Variants in TTC3 observed in about 807,000 individuals in gnomAD.
TTC3 encodes tetratricopeptide repeat domain 3, also known as E3 ubiquitin-protein ligase TTC3.
Under a neutral mutation model 249.6 loss-of-function variants are expected in TTC3, and 180 were observed. That is an observed-to-expected ratio of 0.72 (90% CI 0.64 to 0.82). The LOEUF (loss-of-function observed/expected upper bound fraction) is 0.82. Ranked by LOEUF, TTC3 falls within the 40% of genes least tolerant of loss-of-function variation. The pLI is 0.00. For synonymous variants in TTC3, 717 were observed against 805.0 expected (o/e 0.89, Z 1.85); for missense variants, 2,061 against 2,398.4 (o/e 0.86, Z 2.94).
At chr21:37,077,162 A>G (rs1224686568) in intron 1 of TTC3, among the ~76,000 whole-genome samples, 1 of 152,084 alleles carries the variant, frequency 6.6e-6, no homozygotes, top group Non-Finnish European at 1.5e-5. Flanking sequence ...ATAATTATAC[A>G]TTTAAAAGAA....
exon 46 of TTC3, chr21:37,201,504 C>G (rs774950743): frequency 6.2e-7 from 1 of 1,614,034 alleles, no homozygotes; most frequent in Non-Finnish European, 8.5e-7. Flanking sequence ...GATCTCCTGA[C>G]AGAAGAGTCA....
At chr21:37,156,171 G>A (rs1219422558) in intron 27 of TTC3, among the ~76,000 whole-genome samples, 1 of 150,902 alleles carries the variant, frequency 6.6e-6, no homozygotes, top group East Asian at 2.0e-4. Flanking sequence ...CAAGTAGCTG[G>A]GACTACAGGC....
At chr21:37,165,413 T>C (rs977668212) in intron 32 of TTC3, 137 bp from the exon 33 acceptor site, 1 of 642,128 alleles carries the variant, frequency 1.6e-6, no homozygotes, top group Non-Finnish European at 2.6e-6. Flanking sequence ...ATGTTTGTTA[T>C]ATTTGTTGTT....
At position 37,195,618 on chromosome 21, in the gene TTC3, C is replaced by T. The variant is rs185538526; in HGVS notation, c.5218-57C>T. On this transcript the variant is annotated intron_variant, in intron 41 of 45. Coordinates refer to ENST00000355666, the Ensembl canonical transcript of TTC3. ...TTATTCATCGGCCTTTGTCCTTGGGCGTTTCATCCTTCAAGGGAAGCCCTA... is the reference window on the plus strand; with the variant it reads ...TTATTCATCGGCCTTTGTCCTTGGGTGTTTCATCCTTCAAGGGAAGCCCTA... 64 of 1,529,806 alleles carry T rather than the reference C, an allele frequency of 4.2e-5. No individual in the cohort carries two copies. The East Asian group carries it at 9.8e-4, about 23-fold the overall frequency. The allele number at this position is 1,529,806 out of a possible 1,614,324, so 94.8% of individuals were successfully genotyped here. A position where few individuals can be genotyped will look rare whatever the true frequency, so the allele number is the denominator to read the frequency against.
chr21:37,167,494 T>C (rs1004992309), intron 33 of TTC3, 61 bp from the exon 34 acceptor site: 4 of 1,320,004 alleles, frequency 3.0e-6, no homozygotes, highest in Non-Finnish European at 4.3e-6. Context: ...TACTACTTGA[T>C]GGGCTTATTT....
At chr21:37,193,443 C>G (rs1210034392) in intron 41 of TTC3, among the ~76,000 whole-genome samples, 1 of 151,072 alleles carries the variant, frequency 6.6e-6, no homozygotes, top group Non-Finnish European at 1.5e-5. Flanking sequence ...CCAGTTTTTT[C>G]TCTCCATTGA....
intron 1 of TTC3, among the ~76,000 whole-genome samples, chr21:37,078,138 A>G (rs1425729400): frequency 2.0e-5 from 3 of 151,250 alleles, no homozygotes; most frequent in African/African-American, 7.3e-5. Context: ...CATCTCTTTT[A>G]CATGTTTAGT....
At chr21:37,158,265 CAA>C in intron 28 of TTC3, 1 of 954,122 alleles carries the variant, frequency 1.0e-6, no homozygotes, top group Non-Finnish European at 1.2e-6. Flanking sequence ...GATCACAAAA[CAA>C]GACAACTAAA....
chr21:37,145,990 C>G (rs1346168368), intron 21 of TTC3, among the ~76,000 whole-genome samples: 1 of 152,196 alleles, frequency 6.6e-6, no homozygotes, highest in Non-Finnish European at 1.5e-5. Flanking sequence ...CAAACTGTAG[C>G]ATACCATATG....
chr21:37,083,143 T>C, intron 1 of TTC3: 1 of 985,346 alleles, frequency 1.0e-6, no homozygotes, highest in Non-Finnish European at 1.2e-6. Flanking sequence ...AGTGGGAAGA[T>C]CAGGAAATGC....
chr21:37,160,916 CA>C, intron 30 of TTC3, 58 bp downstream of exon 30: 2 of 1,514,510 alleles, frequency 1.3e-6, no homozygotes, highest in Non-Finnish European at 1.8e-6. Context: ...GTTAGTTGGA[CA>C]TATACATTAG....
At chr21:37,116,580 G>A (rs183005327) in intron 11 of TTC3, among the ~76,000 whole-genome samples, 44 of 151,956 alleles carry the variant, frequency 2.9e-4, no homozygotes, top group Non-Finnish European at 4.3e-4. Flanking sequence ...AGGCTGAGGC[G>A]GGCAGATCAC....
chr21:37,179,087 T>C (rs958246108), intron 35 of TTC3, among the ~76,000 whole-genome samples: 1 of 152,090 alleles, frequency 6.6e-6, no homozygotes, highest in Admixed American at 6.6e-5. Context: ...GCCAGGGCGA[T>C]GTGATGAGAC....
Position 37,148,667 on chromosome 21 carries a change from T to TTATG in TTC3, c.2118+20_2118+21insTATG. The TTATG allele has an allele frequency of 6.6e-7, 1 of 1,513,444 alleles. No homozygotes were observed. Among genetic ancestry groups the TTATG allele is most frequent in the Non-Finnish European group, 8.9e-7 (1 of 1,119,420 alleles). The allele number at this position is 1,513,444 out of a possible 1,614,324, so 93.8% of individuals were successfully genotyped here. A position where few individuals can be genotyped will look rare whatever the true frequency, so the allele number is the denominator to read the frequency against. On this transcript the variant is annotated intron_variant, in intron 23 of 45. Coordinates refer to ENST00000355666, the Ensembl canonical transcript of TTC3. Reference sequence around the variant, plus strand: ...GACAAGGTAAAGCATAACAGGATTGTCTGAATTTTTCAGTATACTTATTGT... The same window carrying TTATG: ...GACAAGGTAAAGCATAACAGGATTGTTATGCTGAATTTTTCAGTATACTTATTGT...
rs79418422 is a variant in TTC3, at chr21:37,149,457, C to T, written c.2119-621C>T. Reference sequence around the variant, plus strand: ...AACTGTCACCTTTGAGTCACTTCTGCTATGTCTTTGTCTTACCTAAATTGA... The same window carrying T: ...AACTGTCACCTTTGAGTCACTTCTGTTATGTCTTTGTCTTACCTAAATTGA... On this transcript the variant is annotated intron_variant, in intron 23 of 45. Coordinates refer to ENST00000355666, the Ensembl canonical transcript of TTC3. Among the ~76,000 whole-genome samples, 371 of 152,278 alleles carry T rather than the reference C, an allele frequency of 2.4e-3. 1 individual carries two copies. Among genetic ancestry groups the T allele is most frequent in the Non-Finnish European group, 2.8e-3 (193 of 68,024 alleles).
chr21:37,090,006 G>T, intron 5 of TTC3, among the ~76,000 whole-genome samples: 1 of 151,356 alleles, frequency 6.6e-6, no homozygotes. Flanking sequence ...AAATTCACAT[G>T]TCTAAAGATT....
intron 1 of TTC3, chr21:37,085,687 C>T (rs1266935942): frequency 6.6e-6 from 1 of 152,228 alleles, no homozygotes; most frequent in African/African-American, 2.4e-5. Context: ...CAGTGAAGAT[C>T]ATGTTAGTTG....
intron 11 of TTC3, among the ~76,000 whole-genome samples, chr21:37,113,059 G>A (rs113480159): frequency 6.6e-6 from 1 of 152,086 alleles, no homozygotes. Flanking sequence ...ATAAGAGCTA[G>A]CTATGACAAA....
chr21:37,174,780 G>T (rs1439086738), intron 35 of TTC3, among the ~76,000 whole-genome samples: 3 of 152,072 alleles, frequency 2.0e-5, no homozygotes, highest in African/African-American at 7.2e-5. Flanking sequence ...TTGACCCTCG[G>T]TCTTCTCATT....
Sources: gnomAD v4.1 joint callset for allele counts (sites outside exome capture counted in the v4.1 genomes callset) on GRCh38, gnomAD v4.1.1 for gene constraint, MANE v1.5 for transcripts, NCBI Gene and HGNC (gene_info 2026-07-23, HGNC 2026-07-21) for gene names.